Variants in CFAP20DC observed in about 807,000 individuals in gnomAD.
The protein encoded by CFAP20DC is CFAP20 domain containing.
A neutral mutation model predicts 101.7 loss-of-function variants in CFAP20DC; 84 were observed. That is an observed-to-expected ratio of 0.83 (90% CI 0.69 to 0.99). The LOEUF (loss-of-function observed/expected upper bound fraction) is 0.99, where lower values mean the gene tolerates loss of function less well. Ranked by LOEUF, CFAP20DC falls within the 50% of genes least tolerant of loss-of-function variation. The pLI, the probability that CFAP20DC is intolerant of heterozygous loss-of-function variation, is 0.00. For synonymous variants in CFAP20DC, 359 were observed against 351.2 expected, an observed-to-expected ratio of 1.02 and a Z score of -0.25; for missense variants, 1,007 against 970.3, an observed-to-expected ratio of 1.04 and a Z score of -0.50.
At chr3:58,817,588 G>GA (rs563553994) in intron 14 of CFAP20DC, among the ~76,000 whole-genome samples, 13 of 142,812 alleles carry the variant, frequency 9.1e-5, no homozygotes, top group African/African-American at 3.2e-4. Flanking sequence ...GAAGTTTAGA[G>GA]AAAAAAGAAT....
At chr3:59,037,726 C>T (rs1331057745) in intron 4 of CFAP20DC, among the ~76,000 whole-genome samples, 1 of 152,082 alleles carries the variant, frequency 6.6e-6, no homozygotes, top group Non-Finnish European at 1.5e-5. Flanking sequence ...GGCGATTCCT[C>T]AAGAATCTAG....
At chr3:58,760,192 T>C (rs1342475999) in intron 15 of CFAP20DC, among the ~76,000 whole-genome samples, 1 of 152,244 alleles carries the variant, frequency 6.6e-6, no homozygotes. Flanking sequence ...TATTTCTTTG[T>C]ATCCTCTTTT....
At chr3:58,796,716 C>T (rs1019812519) in intron 15 of CFAP20DC, among the ~76,000 whole-genome samples, 5 of 152,160 alleles carry the variant, frequency 3.3e-5, no homozygotes, top group Admixed American at 1.3e-4. Context: ...TTGTTCTTCA[C>T]AGATGCTGAA....
At chr3:58,959,556 G>C (rs1237638967) in intron 4 of CFAP20DC, among the ~76,000 whole-genome samples, 2 of 152,118 alleles carry the variant, frequency 1.3e-5, no homozygotes, top group African/African-American at 2.4e-5. Context: ...TAGCACTTCT[G>C]TCAAAAATCA....
chr3:58,813,412 T>C (rs1291055664), intron 14 of CFAP20DC, among the ~76,000 whole-genome samples: 1 of 151,948 alleles, frequency 6.6e-6, no homozygotes, highest in African/African-American at 2.4e-5. Context: ...TTCAACATTC[T>C]CATTTTATTA....
intron 14 of CFAP20DC, among the ~76,000 whole-genome samples, chr3:58,812,429 A>G (rs1481748258): frequency 6.6e-6 from 1 of 152,076 alleles, no homozygotes; most frequent in Non-Finnish European, 1.5e-5. Flanking sequence ...ATTGGAAATC[A>G]TCATTCTCAG....
chr3:58,792,133 A>C (rs1200583222), intron 15 of CFAP20DC, among the ~76,000 whole-genome samples: 1 of 152,186 alleles, frequency 6.6e-6, no homozygotes, highest in Non-Finnish European at 1.5e-5. Context: ...CTCATTGTTT[A>C]TTTACCCCAA....
At chr3:59,017,980 T>C (rs1366543410) in intron 4 of CFAP20DC, 1 of 152,138 alleles carries the variant, frequency 6.6e-6, no homozygotes, top group African/African-American at 2.4e-5. Flanking sequence ...AGTCACTCAA[T>C]TGGCCCAGCA....
At chr3:58,909,966 T>G (rs2083981828) in intron 6 of CFAP20DC, among the ~76,000 whole-genome samples, 1 of 152,148 alleles carries the variant, frequency 6.6e-6, no homozygotes, top group Admixed American at 6.6e-5. Context: ...CTCCCACTTA[T>G]GAGTGAGAAC....
chr3:58,950,570 C>T (rs141158078), intron 4 of CFAP20DC, among the ~76,000 whole-genome samples: 14,403 of 152,084 alleles, frequency 0.095, 2,241 homozygotes, highest in African/African-American at 0.32. Context: ...GAGATATAGA[C>T]CAATGGAACA....
chr3:58,797,513 A>G (rs2107671497), intron 15 of CFAP20DC, among the ~76,000 whole-genome samples: 1 of 152,336 alleles, frequency 6.6e-6, no homozygotes, highest in South Asian at 2.1e-4. Flanking sequence ...CTGGGGTTTA[A>G]GGAAAGAAGC....
At chr3:58,852,157 C>T (rs910190330) in intron 12 of CFAP20DC, among the ~76,000 whole-genome samples, 3 of 152,096 alleles carry the variant, frequency 2.0e-5, no homozygotes, top group Non-Finnish European at 4.4e-5. Flanking sequence ...TCTTCAGGAT[C>T]ATAGTGGTAA....
chr3:59,023,068 G>T (rs1288373860), intron 4 of CFAP20DC, among the ~76,000 whole-genome samples: 1 of 151,950 alleles, frequency 6.6e-6, no homozygotes, highest in Non-Finnish European at 1.5e-5. Context: ...TTAAATTAAG[G>T]CCCAGTTATT....
chr3:58,947,607 C>T (rs1160819016), intron 4 of CFAP20DC, among the ~76,000 whole-genome samples: 1 of 152,132 alleles, frequency 6.6e-6, no homozygotes. Context: ...TTATAAAATT[C>T]AATACTGAGT....
chr3:58,723,918 T>C (rs17059743), intron 3 of CFAP20DC, among the ~76,000 whole-genome samples: 4,585 of 152,324 alleles, frequency 0.03, 244 homozygotes, highest in African/African-American at 0.1. Context: ...TATATGCCCG[T>C]GAATTCTGAC....
intron 14 of CFAP20DC, among the ~76,000 whole-genome samples, chr3:58,816,269 C>T (rs986133705): frequency 2.6e-5 from 4 of 152,100 alleles, no homozygotes; most frequent in Non-Finnish European, 4.4e-5. Flanking sequence ...AACAAAAAAC[C>T]AAACACCGCG....
intron 15 of CFAP20DC, among the ~76,000 whole-genome samples, chr3:58,769,387 T>G (rs1236984304): frequency 6.6e-6 from 1 of 152,214 alleles, no homozygotes; most frequent in Admixed American, 6.5e-5. Flanking sequence ...ATCAGTCATC[T>G]CAGTGTGTAA....
chr3:58,889,527 T>C, intron 6 of CFAP20DC, among the ~76,000 whole-genome samples: 1 of 105,922 alleles, frequency 9.4e-6, no homozygotes, highest in East Asian at 2.0e-4. Flanking sequence ...GCCAATCTTT[T>C]TTTTTTCTTT....
At chr3:58,819,130 G>C (rs554649593) in intron 14 of CFAP20DC, among the ~76,000 whole-genome samples, 1 of 145,354 alleles carries the variant, frequency 6.9e-6, no homozygotes, top group Non-Finnish European at 1.5e-5. Context: ...TCTCTGGGAC[G>C]CATTCAAAGC....
Sources: gnomAD v4.1 joint callset for allele counts (sites outside exome capture counted in the v4.1 genomes callset) on GRCh38, gnomAD v4.1.1 for gene constraint, MANE v1.5 for transcripts, NCBI Gene and HGNC (gene_info 2026-07-23, HGNC 2026-07-21) for gene names.